CEP152: variants seen among roughly 807,000 people sequenced by gnomAD.
CEP152 encodes the protein centrosomal protein of 152 kDa.
A neutral mutation model predicts 188.9 loss-of-function variants in CEP152; 132 were observed. The ratio of observed to expected loss-of-function variants is 0.70; its 90% confidence interval spans 0.61 to 0.81. The LOEUF is 0.81. Among genes scored for constraint, CEP152 ranks in the 30% least tolerant of loss-of-function variants. The probability of loss-of-function intolerance (pLI) is 0.00; values close to 1 mark genes in which losing one functional copy is unlikely to be tolerated. For missense variants in CEP152, 1,914 were observed against 1,969.8 expected (o/e 0.97, Z 0.54); for synonymous variants, 649 against 666.6 (o/e 0.97, Z 0.41).
rs369142092 is a variant in CEP152, at chr15:48,747,294, C to G, written c.3634+1149G>C. Among the ~76,000 whole-genome samples the G allele has an allele frequency of 1.2e-4, 18 of 152,186 alleles. 1 individual carries two copies. In the East Asian group the frequency reaches 2.1e-3, roughly 18 times the overall value. The stretch of plus-strand genomic sequence containing the variant: ...TAACCTGGTCTTTTCTGAATGACAC[C>G]ATTATTTAGGACCCTGGCATTTTGT... On this transcript the variant is annotated intron_variant, in intron 22 of 26. Transcript: ENST00000380950.
In CEP152 at chr15:48,811,039, G is replaced by T. The variant is rs1372985501; in HGVS notation, c.-86C>A. The T allele has an allele frequency of 6.6e-6, 1 of 152,366 alleles. No individual in the cohort carries two copies. Among genetic ancestry groups the T allele is most frequent in the Non-Finnish European group, 1.5e-5 (1 of 68,164 alleles). 9.4% of individuals were successfully genotyped at this position (152,366 alleles called of 1,614,324 possible). A position where few individuals can be genotyped will look rare whatever the true frequency, so the allele number is the denominator to read the frequency against. ...AACTTCTAGCAGATCCCCTTACCCT[G>T]GCTCTAGTCCACTAGCTCCTTCCTA... On this transcript the variant is annotated 5_prime_UTR_variant, in exon 1 of 27. Transcript: ENST00000380950.
downstream of CEP152, among the ~76,000 whole-genome samples, chr15:48,736,376 A>G (rs1048683553): frequency 2.0e-5 from 3 of 152,334 alleles, no homozygotes; most frequent in Non-Finnish European, 2.9e-5. Context: ...CATACACATG[A>G]AAATCTTTAA....
downstream of CEP152, among the ~76,000 whole-genome samples, chr15:48,734,742 C>A (rs1892541295): frequency 6.6e-6 from 1 of 151,998 alleles, no homozygotes. Context: ...ATTATAGACA[C>A]AATGGACTTT....
At chr15:48,790,948 A>G (rs1290901710) in intron 8 of CEP152, among the ~76,000 whole-genome samples, 1 of 152,204 alleles carries the variant, frequency 6.6e-6, no homozygotes, top group Non-Finnish European at 1.5e-5. Context: ...ACTTATGACT[A>G]TTTCCAAAAA....
At chr15:48,741,285 A>G in intron 26 of CEP152, 2 of 1,182,464 alleles carry the variant, frequency 1.7e-6, no homozygotes, top group Non-Finnish European at 2.1e-6. Context: ...GTGAGCCATG[A>G]TGCCTGGCCC....
At chr15:48,762,143 C>T (rs1484289468) in intron 18 of CEP152, among the ~76,000 whole-genome samples, 1 of 152,138 alleles carries the variant, frequency 6.6e-6, no homozygotes, top group East Asian at 1.9e-4. Context: ...CATCTTAATG[C>T]TTAGACTAAT....
chr15:48,730,210 A>T (rs1217388091), intron 2 of CEP152, among the ~76,000 whole-genome samples: 1 of 152,196 alleles, frequency 6.6e-6, no homozygotes, highest in Non-Finnish European at 1.5e-5. Flanking sequence ...AATGACAGTG[A>T]ACATTAGCAG....
At chr15:48,791,857 AAAC>A (rs1202874703) in intron 7 of CEP152, among the ~76,000 whole-genome samples, 1 of 152,004 alleles carries the variant, frequency 6.6e-6, no homozygotes, top group African/African-American at 2.4e-5. Context: ...TTAAAAAAAA[AAAC>A]AAACCTGATA....
At chr15:48,783,775 G>GTATATATATATATATATGTATGTATATA (rs10652796) in intron 10 of CEP152, 198 bp downstream of exon 10, 1 of 178,680 alleles carries the variant, frequency 5.6e-6, no homozygotes, top group African/African-American at 2.5e-5. Context: ...ATGTGTGTAT[G>GTATATATATATATATATGTATGTATATA]TATATATATA....
rs769183953 is a variant in CEP152, at chr15:48,791,306, C to A, written c.903G>T (p.Glu301Asp). ...QKLFQNGKER[E>D]IQLEAQIKAL... ...CTTTTATTTGAGCTTCAAGCTGTATCTCTCTTTCTTTTCCATTCTGAAAGA... is the reference window on the plus strand; with the variant it reads ...CTTTTATTTGAGCTTCAAGCTGTATATCTCTTTCTTTTCCATTCTGAAAGA... Residue 301 changes from glutamate to aspartate, a missense_variant, in exon 8 of 27, where the codon GAG becomes GAT. Coordinates refer to ENST00000380950, the MANE Select transcript of CEP152 (RefSeq NM_001194998.2). 3 of 1,612,884 alleles carry A rather than the reference C, an allele frequency of 1.9e-6. No homozygotes were observed. Among genetic ancestry groups the A allele is most frequent in the East Asian group, 2.2e-5 (1 of 44,810 alleles).
chr15:48,801,222 C>A (rs768964811), intron 2 of CEP152, among the ~76,000 whole-genome samples: 1 of 152,134 alleles, frequency 6.6e-6, no homozygotes, highest in Admixed American at 6.6e-5. Context: ...CATGGATACA[C>A]GCTAAATGTA....
chr15:48,789,107 G>A (rs1399903810), intron 8 of CEP152, 106 bp from the exon 9 acceptor site: 2 of 1,037,444 alleles, frequency 1.9e-6, no homozygotes, highest in South Asian at 1.3e-5. Context: ...ACTCAAGCAT[G>A]TTTTAATGAG....
rs762830553 is a variant in CEP152 at position 48,744,905 on chromosome 15, G to A, written c.3722C>T (p.Thr1241Ile). The change falls in exon 23 of 27, where the codon ACA (threonine) becomes ATA (isoleucine). Residue 1241 changes from threonine (T) to isoleucine (I), a missense_variant. Thr to Ile is a moderately conservative substitution (Grantham distance 89). Coordinates refer to ENST00000380950, the MANE Select transcript of CEP152 (RefSeq NM_001194998.2). ...KLEELQTLCKTPPRSLSAGAI... is the reference protein window; with the variant it reads ...KLEELQTLCKIPPRSLSAGAI... ...AATAGTAAAAGTATACCTTGGTGGT[G>A]TTTTACAAAGTGTTTGCAATTCTTC... The A allele has an allele frequency of 2.5e-6, 4 of 1,609,290 alleles. No individual in the cohort carries two copies. Among genetic ancestry groups the A allele is most frequent in the Admixed American group, 1.7e-5 (1 of 59,744 alleles).
chr15:48,781,272 A>G lies in CEP152; in HGVS notation c.1501T>C (p.Leu501=), dbSNP rs1896223335. ...TACGATTCAGTGAGTTCTATATTTA[A>G]TTCTCCTTCTGAGTCACTTGGATGT... ...GIHPSDSEGE[L]NIELTESYVD... The change falls in exon 12 of 27, where the codon TTA becomes CTA. Residue 501 remains leucine, a synonymous_variant. Transcript: ENST00000380950. The G allele has an allele frequency of 6.2e-7, 1 of 1,613,390 alleles. No homozygotes were observed. Among genetic ancestry groups the G allele is most frequent in the Non-Finnish European group, 8.5e-7 (1 of 1,179,528 alleles).
chr15:48,790,628 G>A (rs1896935198), intron 8 of CEP152, among the ~76,000 whole-genome samples: 1 of 152,028 alleles, frequency 6.6e-6, no homozygotes, highest in South Asian at 2.1e-4. Context: ...GTGCAATGGA[G>A]CAATCTCAGC....
chr15:48,800,477 G>C (rs1258787812), intron 2 of CEP152, among the ~76,000 whole-genome samples: 4 of 151,808 alleles, frequency 2.6e-5, no homozygotes, highest in Admixed American at 6.6e-5. Flanking sequence ...ATTGCCCTTT[G>C]GTCACTAACC....
chr15:48,775,178 T>C (rs1179607656), intron 12 of CEP152, among the ~76,000 whole-genome samples: 1 of 151,796 alleles, frequency 6.6e-6, no homozygotes, highest in Non-Finnish European at 1.5e-5. Flanking sequence ...CTAACATACA[T>C]GTAACTGGAG....
Position 48,796,042 on chromosome 15 carries a change from C to T in CEP152, c.659G>A (p.Gly220Asp). 6.2e-7 allele frequency: 1 copy of T among 1,613,844 alleles called. No individual in the cohort carries two copies. The highest frequency in any genetic ancestry group is 8.5e-7 in the Non-Finnish European group (1 of 1,179,858). The part of the protein sequence containing the change: ...QEITGSDTFE[G>D]LQQQFLGANE... ...AGCTCCTAAAAATTGTTGTTGCAGG[C>T]CTTCGAATGTGTCACTTCCTGTTAT... The change falls in exon 6 of 27, where the codon GGC (glycine) becomes GAC (aspartate). Residue 220 changes from glycine (G) to aspartate (D), a missense_variant. Physicochemically the swap from Gly to Asp is moderately conservative, Grantham distance 94. Transcript: ENST00000380950.
At chr15:48,743,166 T>A (rs2140574344) in intron 24 of CEP152, among the ~76,000 whole-genome samples, 1 of 152,344 alleles carries the variant, frequency 6.6e-6, no homozygotes, top group East Asian at 1.9e-4. Flanking sequence ...CAATATGCCC[T>A]TTATTAGCAC....
Sources: gnomAD v4.1 joint callset for allele counts (sites outside exome capture counted in the v4.1 genomes callset) on GRCh38, gnomAD v4.1.1 for gene constraint, MANE v1.5 for transcripts, NCBI Gene and HGNC (gene_info 2026-07-23, HGNC 2026-07-21) for gene names.